Variants in CTNNA2 observed in about 807,000 individuals in gnomAD.
CTNNA2 encodes the protein catenin alpha-2.
Under a neutral mutation model 101.0 loss-of-function variants are expected in CTNNA2, and 42 were observed. That is an observed-to-expected ratio of 0.42 (90% CI 0.32 to 0.54). CTNNA2 has a LOEUF of 0.54. Among genes scored for constraint, CTNNA2 ranks in the 20% least tolerant of loss-of-function variants. CTNNA2 has a pLI of 0.14. For synonymous variants in CTNNA2, 450 were observed against 456.4 expected, an observed-to-expected ratio of 0.99 and a Z score of 0.18; for missense variants, 871 against 1,223.1, an observed-to-expected ratio of 0.71 and a Z score of 4.29.
intron 1 of CTNNA2, among the ~76,000 whole-genome samples, chr2:79,579,277 T>C (rs1239112803): frequency 6.8e-6 from 1 of 147,436 alleles, no homozygotes; most frequent in Admixed American, 6.8e-5. Context: ...CTTCCTTCCT[T>C]CCTTCCCCTG....
At chr2:79,950,885 G>C (rs1211669160) in intron 7 of CTNNA2, among the ~76,000 whole-genome samples, 1 of 151,818 alleles carries the variant, frequency 6.6e-6, no homozygotes, top group Non-Finnish European at 1.5e-5. Flanking sequence ...CTGCGCTTCT[G>C]ACTCAGAACA....
chr2:79,680,294 A>G lies in CTNNA2; in HGVS notation c.102+28636A>G, dbSNP rs900096640. Among the ~76,000 whole-genome samples the G allele has an allele frequency of 2.0e-5, 3 of 152,076 alleles. No homozygotes were observed. In the East Asian group the frequency reaches 5.8e-4, roughly 29 times the overall value. On this transcript the variant is annotated intron_variant, in intron 2 of 18. Coordinates refer to ENST00000402739, the MANE Select transcript of CTNNA2 (RefSeq NM_001282597.3). ...GCTAATTCTTTCAAACTGAAAAGGT[A>G]GGTTACTTGAATGTTATTTTTAGTT...
In CTNNA2 at chr2:80,515,165, T is replaced by TCC. The variant is rs776545426; in HGVS notation, c.1291-29813_1291-29812dup. On this transcript the variant is annotated intron_variant, in intron 9 of 18. Coordinates refer to ENST00000402739, the MANE Select transcript of CTNNA2 (RefSeq NM_001282597.3). ...GAATTGCCCATCTTTTTTTTTTTTT[T>TCC]CCCCCTTGGAAACTGCTCATTTTCA... is the stretch of plus-strand genomic sequence containing the variant. 1.0e-4 allele frequency among the ~76,000 whole-genome samples: 15 copies of TCC among 148,672 alleles called. No homozygotes were observed. The East Asian group carries it at 2.4e-3, about 23-fold the overall frequency.
chr2:80,173,440 T>C (rs1705196098), intron 7 of CTNNA2, among the ~76,000 whole-genome samples: 1 of 152,224 alleles, frequency 6.6e-6, no homozygotes, highest in Non-Finnish European at 1.5e-5. Flanking sequence ...GCAATTCATT[T>C]GAACAGAGAA....
At chr2:79,458,979 C>T (rs1347804528) in intron 4 of CTNNA2, among the ~76,000 whole-genome samples, 1 of 151,924 alleles carries the variant, frequency 6.6e-6, no homozygotes, top group Non-Finnish European at 1.5e-5. Flanking sequence ...CCAATTCTTT[C>T]CCATGAAAAA....
At chr2:79,472,209 T>C (rs1671007503) in intron 4 of CTNNA2, among the ~76,000 whole-genome samples, 1 of 152,208 alleles carries the variant, frequency 6.6e-6, no homozygotes, top group African/African-American at 2.4e-5. Context: ...AAATCTCAAG[T>C]AAGTCCACAT....
At chr2:80,528,560 C>G (rs1031237910) in intron 9 of CTNNA2, among the ~76,000 whole-genome samples, 16 of 152,124 alleles carry the variant, frequency 1.1e-4, no homozygotes, top group African/African-American at 3.6e-4. Context: ...GGACAATGCT[C>G]TGGGTACCAA....
At chr2:79,763,049 T>G (rs1292473742) in intron 3 of CTNNA2, among the ~76,000 whole-genome samples, 1 of 152,246 alleles carries the variant, frequency 6.6e-6, no homozygotes, top group Non-Finnish European at 1.5e-5. Flanking sequence ...TCTGGTTTTA[T>G]ATCTTTCAGA....
chr2:80,645,770 G>A (rs755468385), intron 18 of CTNNA2, among the ~76,000 whole-genome samples: 7 of 152,080 alleles, frequency 4.6e-5, no homozygotes, highest in Non-Finnish European at 7.4e-5. Context: ...CTGTATAAAC[G>A]AAAGAGTATG....
At chr2:80,509,413 C>T (rs1688527535) in intron 9 of CTNNA2, among the ~76,000 whole-genome samples, 1 of 152,114 alleles carries the variant, frequency 6.6e-6, no homozygotes, top group Admixed American at 6.6e-5. Flanking sequence ...GCTGATACAC[C>T]ATGAAGTAAT....
intron 2 of CTNNA2, among the ~76,000 whole-genome samples, chr2:79,287,577 G>C (rs1388794188): frequency 1.5e-4 from 23 of 149,416 alleles, no homozygotes; most frequent in South Asian, 4.2e-4. Context: ...AGGGGTCAGG[G>C]ACCCACTTGA....
chr2:79,485,495 A>C (rs980267621), intron 4 of CTNNA2, among the ~76,000 whole-genome samples: 3 of 152,232 alleles, frequency 2.0e-5, no homozygotes, highest in South Asian at 2.1e-4. Flanking sequence ...TAAGTTTGCA[A>C]ATCGCTTTGA....
intron 1 of CTNNA2, among the ~76,000 whole-genome samples, chr2:79,651,152 A>G (rs1449807820): frequency 6.6e-6 from 1 of 152,188 alleles, no homozygotes; most frequent in Non-Finnish European, 1.5e-5. Flanking sequence ...CTTAATCACA[A>G]CATGTGTCAC....
At chr2:79,890,616 G>A (rs977986070) in intron 6 of CTNNA2, among the ~76,000 whole-genome samples, 8 of 151,756 alleles carry the variant, frequency 5.3e-5, no homozygotes, top group Non-Finnish European at 1.0e-4. Flanking sequence ...ACTGGTGATC[G>A]TCTGGATATT....
intron 7 of CTNNA2, among the ~76,000 whole-genome samples, chr2:80,266,124 C>G (rs1672982247): frequency 6.6e-6 from 1 of 152,178 alleles, no homozygotes; most frequent in Non-Finnish European, 1.5e-5. Flanking sequence ...TGGGATTTGC[C>G]TAGATGAGGT....
intron 3 of CTNNA2, among the ~76,000 whole-genome samples, chr2:79,794,885 A>G (rs1352393242): frequency 6.6e-6 from 1 of 152,192 alleles, no homozygotes; most frequent in African/African-American, 2.4e-5. Context: ...ATGTGAGGAT[A>G]TGGAGCCGTG....
chr2:80,069,297 G>T (rs117886417), intron 7 of CTNNA2, among the ~76,000 whole-genome samples: 1,883 of 152,194 alleles, frequency 0.012, 46 homozygotes, highest in East Asian at 0.081. Context: ...ATCTATTCCG[G>T]AACACCGTCA....
intron 3 of CTNNA2, among the ~76,000 whole-genome samples, chr2:79,762,942 A>G (rs1672899142): frequency 1.3e-5 from 2 of 152,202 alleles, no homozygotes; most frequent in African/African-American, 2.4e-5. Flanking sequence ...TTTTAGCTGT[A>G]CTGTCGGGCT....
At chr2:79,757,768 G>A (rs970005640) in intron 3 of CTNNA2, among the ~76,000 whole-genome samples, 2 of 152,110 alleles carry the variant, frequency 1.3e-5, no homozygotes, top group Admixed American at 6.5e-5. Flanking sequence ...TGGTGCCTGC[G>A]CTGTGCGACC....
Sources: allele counts gnomAD v4.1 joint callset (sites outside exome capture counted in the v4.1 genomes callset), GRCh38; gene constraint gnomAD v4.1.1; transcripts MANE v1.5; gene names NCBI Gene and HGNC (gene_info 2026-07-23, HGNC 2026-07-21).